The following GRM1 variants were observed in gnomAD, a reference collection of about 807,000 sequenced individuals.
The protein encoded by GRM1 is glutamate metabotropic receptor 1.
In GRM1, 33 loss-of-function variants were observed where a neutral mutation model predicts 90.9. The observed-to-expected ratio is 0.36, with a 90% CI of 0.28 to 0.49. GRM1 has a LOEUF of 0.49. Among genes scored for constraint, GRM1 ranks in the 20% least tolerant of loss-of-function variants. The probability of loss-of-function intolerance (pLI) is 0.99; values close to 1 mark genes in which losing one functional copy is unlikely to be tolerated. For missense variants in GRM1, 1,190 were observed against 1,534.3 expected (o/e 0.78, Z 3.75); for synonymous variants, 700 against 613.2 (o/e 1.14, Z -2.09).
At chr6:146,118,052 A>G (rs541426423) in intron 1 of GRM1, among the ~76,000 whole-genome samples, 19 of 152,074 alleles carry the variant, frequency 1.2e-4, no homozygotes, top group African/African-American at 4.1e-4. Flanking sequence ...TTTTTTTCAA[A>G]AAAGATGCAT....
At chr6:146,423,767 T>A (rs1265105802) in intron 7 of GRM1, among the ~76,000 whole-genome samples, 1 of 152,130 alleles carries the variant, frequency 6.6e-6, no homozygotes, top group East Asian at 1.9e-4. Context: ...CCGCCCCTTG[T>A]TTTTATCATT....
At chr6:146,042,259 A>G (rs568886200) in intron 1 of GRM1, among the ~76,000 whole-genome samples, 1 of 152,136 alleles carries the variant, frequency 6.6e-6, no homozygotes, top group East Asian at 1.9e-4. Context: ...GTGTCAGTTT[A>G]TAAATCAATT....
At chr6:146,379,930 G>GTC (rs56732675) in intron 5 of GRM1, among the ~76,000 whole-genome samples, 2,683 of 147,824 alleles carry the variant, frequency 0.018, 78 homozygotes, top group Admixed American at 0.087. Flanking sequence ...TACAGAGTCT[G>GTC]TCTCTCTCTC....
chr6:146,340,944 A>G (rs1445938970), intron 3 of GRM1, among the ~76,000 whole-genome samples: 2 of 152,202 alleles, frequency 1.3e-5, no homozygotes, highest in African/African-American at 4.8e-5. Flanking sequence ...GCTACAAAAC[A>G]ACAGGCCCCA....
At chr6:146,122,844 T>C (rs976601855) in intron 1 of GRM1, among the ~76,000 whole-genome samples, 4 of 136,652 alleles carry the variant, frequency 2.9e-5, no homozygotes, top group South Asian at 2.5e-4. Context: ...TCTTTCTTTT[T>C]TTTTTTTTTT....
At chr6:146,402,722 C>T (rs1187835443) in intron 7 of GRM1, among the ~76,000 whole-genome samples, 1 of 152,134 alleles carries the variant, frequency 6.6e-6, no homozygotes, top group African/African-American at 2.4e-5. Flanking sequence ...AGTTGCAAGT[C>T]CAACGGCATT....
At chr6:146,180,250 T>A (rs1778499659) in intron 2 of GRM1, among the ~76,000 whole-genome samples, 2 of 149,460 alleles carry the variant, frequency 1.3e-5, no homozygotes, top group South Asian at 4.2e-4. Context: ...TTAACTTCTT[T>A]TAATATTATA....
intron 2 of GRM1, among the ~76,000 whole-genome samples, chr6:146,160,980 G>T (rs1168406377): frequency 6.6e-6 from 1 of 152,092 alleles, no homozygotes; most frequent in African/African-American, 2.4e-5. Context: ...AAGAAAGCAG[G>T]TCTTCTAAGG....
At chr6:146,219,689 A>G (rs1320358888) in intron 2 of GRM1, among the ~76,000 whole-genome samples, 2 of 152,180 alleles carry the variant, frequency 1.3e-5, no homozygotes, top group Non-Finnish European at 2.9e-5. Flanking sequence ...ATGTGTGTGC[A>G]TATGTATTGG....
intron 3 of GRM1, among the ~76,000 whole-genome samples, chr6:146,325,340 G>C (rs963810916): frequency 9.2e-5 from 14 of 152,234 alleles, no homozygotes; most frequent in Non-Finnish European, 2.1e-4. Context: ...ACACGGATGA[G>C]CAGTTGTAGA....
chr6:146,365,346 A>C (rs1775638101), intron 5 of GRM1: 1 of 152,216 alleles, frequency 6.6e-6, no homozygotes, highest in Admixed American at 6.5e-5. Flanking sequence ...ACTATGAGTA[A>C]TGCCCACACC....
chr6:146,396,093 T>TATCTATCTATCTATCTATC lies in GRM1; in HGVS notation c.1730-2665_1730-2664insTATCTATCATCTATCTATC, dbSNP rs1324277052. ...TCATCTATCTATCTATCTATCTATC[T>TATCTATCTATCTATCTATC]ATCTATCTATCGTCTATATATATAT... On this transcript the variant is annotated intron_variant, in intron 6 of 7. Transcript: ENST00000282753. Among the ~76,000 whole-genome samples, 1,117 of 152,012 alleles carry TATCTATCTATCTATCTATC rather than the reference T, an allele frequency of 7.3e-3. 19 individuals are homozygous for TATCTATCTATCTATCTATC. Among genetic ancestry groups the TATCTATCTATCTATCTATC allele is most frequent in the African/African-American group, 0.024 (1,010 of 41,428 alleles).
At chr6:146,169,452 T>C (rs184195684) in intron 2 of GRM1, among the ~76,000 whole-genome samples, 1 of 152,216 alleles carries the variant, frequency 6.6e-6, no homozygotes, top group East Asian at 1.9e-4. Flanking sequence ...TTGTTTGTTC[T>C]ATGTTTTCCA....
intron 6 of GRM1, among the ~76,000 whole-genome samples, chr6:146,398,343 T>G (rs1238633352): frequency 6.6e-6 from 1 of 152,222 alleles, no homozygotes; most frequent in Admixed American, 6.5e-5. Context: ...CTACAGACAA[T>G]GGCTGCATCA....
chr6:146,396,069 C>CATCTATCT (rs3065122), intron 6 of GRM1, among the ~76,000 whole-genome samples: 29,935 of 136,006 alleles, frequency 0.22, 3,054 homozygotes, highest in East Asian at 0.29. Context: ...ACCTATCCAT[C>CATCTATCT]ATCTATCTAT....
rs112670841 is a variant in GRM1, at chr6:146,030,141, C to A, written c.624C>A (p.Asp208Glu). Residue 208 changes from aspartate to glutamate, a missense_variant, in exon 1 of 8, where the codon GAC becomes GAA. Physicochemically the swap from Asp to Glu is conservative, Grantham distance 45. Transcript: ENST00000282753. ...YKYFLRVVPS[D>E]TLQARAMLDI... ...ACTTCCTGAGGGTTGTCCCTTCTGA[C>A]ACTTTGCAGGCAAGGGCCATGCTTG... 1 of 1,614,122 alleles carries A rather than the reference C, an allele frequency of 6.2e-7. No individual in the cohort carries two copies. The highest frequency in any genetic ancestry group is 2.2e-5 in the East Asian group (1 of 44,872).
rs1424997624 is a variant in GRM1 at position 146,029,952 on chromosome 6, G to A, written c.435G>A (p.Gln145=). 7 of 1,614,140 alleles carry A rather than the reference G, an allele frequency of 4.3e-6. No individual in the cohort carries two copies. Among genetic ancestry groups the A allele is most frequent in the Non-Finnish European group, 5.9e-6 (7 of 1,180,018 alleles). ...TCAACCGGTGTCTGCCTGACGGCCAGTCCCTCCCCCCAGGCAGGACTAAGA... is the reference window on the plus strand; with the variant it reads ...TCAACCGGTGTCTGCCTGACGGCCAATCCCTCCCCCCAGGCAGGACTAAGA... ...DGINRCLPDG[Q]SLPPGRTKKP... Residue 145 remains glutamine (Q), a synonymous_variant, in exon 1 of 8, where the codon CAG becomes CAA. Coordinates refer to ENST00000282753, the MANE Select transcript of GRM1 (RefSeq NM_001278064.2).
chr6:146,139,887 C>A (rs1250503638), intron 1 of GRM1, among the ~76,000 whole-genome samples: 1 of 111,024 alleles, frequency 9.0e-6, no homozygotes, highest in African/African-American at 4.0e-5. Flanking sequence ...CTTCCCTTCC[C>A]TTCCCTTCCC....
At chr6:146,322,574 C>CTTTTCTTTTATTTTATTTTA (rs375962682) in intron 3 of GRM1, among the ~76,000 whole-genome samples, 105 of 144,966 alleles carry the variant, frequency 7.2e-4, no homozygotes, top group African/African-American at 2.6e-3. Context: ...TGCTGCCTTT[C>CTTTTCTTTTATTTTATTTTA]TTTTATTTTA....
Sources: allele counts gnomAD v4.1 joint callset (sites outside exome capture counted in the v4.1 genomes callset), GRCh38; gene constraint gnomAD v4.1.1; transcripts MANE v1.5; gene names NCBI Gene and HGNC (gene_info 2026-07-23, HGNC 2026-07-21).